The following BOC variants were observed in gnomAD, a reference collection of about 807,000 sequenced individuals.
BOC encodes the protein BOC cell adhesion associated, oncogene regulated.
In BOC, 76 loss-of-function variants were observed where a neutral mutation model predicts 112.0. The observed-to-expected ratio is 0.68, with a 90% confidence interval of 0.56 to 0.82. BOC has a LOEUF of 0.82. BOC is among the 40% of genes least tolerant of loss of function. BOC has a pLI of 0.00. For synonymous variants in BOC, 580 were observed against 599.8 expected, an observed-to-expected ratio of 0.97 and a Z score of 0.48; for missense variants, 1,309 against 1,511.7, an observed-to-expected ratio of 0.87 and a Z score of 2.22.
upstream of BOC, chr3:113,211,208 T>G (rs577246271): frequency 1.6e-4 from 25 of 152,310 alleles, no homozygotes; most frequent in African/African-American, 6.0e-4. Flanking sequence ...AGGGAAGGAT[T>G]GTACATGGAA....
At chr3:113,279,715 G>A in intron 12 of BOC, 109 bp from the exon 13 acceptor site, 1 of 1,233,910 alleles carries the variant, frequency 8.1e-7, no homozygotes, top group South Asian at 1.5e-5. Context: ...AACTTGCTTT[G>A]GGGAAGGGCT....
Position 113,270,945 on chromosome 3 carries a change from G to C in BOC, c.667+1G>C, listed in dbSNP as rs777922134. ...TCCAGCGACAGGCTACGTGTGCGCC[G>C]TAAGGCCCGGGCCCACCTGCTGGGG... On this transcript the variant is annotated splice_donor_variant, in intron 6 of 19. Transcript: ENST00000682979. LOFTEE classifies it high-confidence loss of function. The C allele has an allele frequency of 6.2e-7, 1 of 1,614,024 alleles. No homozygotes were observed. The highest frequency in any genetic ancestry group is 8.5e-7 in the Non-Finnish European group (1 of 1,180,038).
At chr3:113,227,521 C>T (rs1292110029) in intron 2 of BOC, among the ~76,000 whole-genome samples, 2 of 152,212 alleles carry the variant, frequency 1.3e-5, no homozygotes, top group Non-Finnish European at 2.9e-5. Context: ...ACCAGCAGTC[C>T]TCTTTTCAGG....
chr3:113,281,966 A>G (rs1949241649), intron 15 of BOC, among the ~76,000 whole-genome samples: 1 of 152,158 alleles, frequency 6.6e-6, no homozygotes, highest in Non-Finnish European at 1.5e-5. Context: ...CACCTGGTGC[A>G]GGGAGTGCCC....
intron 1 of BOC, 49 bp downstream of exon 1, chr3:113,212,065 T>C (rs1264684174): frequency 6.6e-6 from 1 of 151,930 alleles, no homozygotes; most frequent in Non-Finnish European, 1.5e-5. Flanking sequence ...AAGTTGTGTT[T>C]ACTGTTGGTT....
In BOC at chr3:113,286,903, TTTTA is replaced by T; in HGVS notation, c.*42_*45del. ...CCAGAAAGACTATATATTGTTTTTTTTTTAAAAAAAAAAAGAAGAAAAAAGAGAC... is the reference window on the plus strand; with the variant it reads ...CCAGAAAGACTATATATTGTTTTTTTAAAAAAAAAAGAAGAAAAAAGAGAC... On this transcript the variant is annotated 3_prime_UTR_variant, in exon 20 of 20. Transcript: ENST00000682979. 1 of 1,487,368 alleles carries T rather than the reference TTTTA, an allele frequency of 6.7e-7. No individual in the cohort carries two copies. Among genetic ancestry groups the T allele is most frequent in the Non-Finnish European group, 9.0e-7 (1 of 1,112,382 alleles). 92.1% of individuals were successfully genotyped at this position (1,487,368 alleles called of 1,614,324 possible).
intron 9 of BOC, among the ~76,000 whole-genome samples, chr3:113,275,965 G>A (rs1188746968): frequency 6.6e-6 from 1 of 152,194 alleles, no homozygotes; most frequent in African/African-American, 2.4e-5. Context: ...GGGACGGGGC[G>A]AGCAGTTTCT....
chr3:113,285,319 G>A (rs565976585), intron 18 of BOC, 53 bp from the exon 19 acceptor site: 8 of 1,572,018 alleles, frequency 5.1e-6, no homozygotes, highest in African/African-American at 2.7e-5. Context: ...GGGATGGGGC[G>A]ACAGGCCCAC....
chr3:113,218,169 G>A (rs924623368), intron 2 of BOC, among the ~76,000 whole-genome samples: 6 of 152,200 alleles, frequency 3.9e-5, no homozygotes, highest in South Asian at 2.1e-4. Flanking sequence ...CTGTGGAACC[G>A]GCTGGCCGTG....
chr3:113,233,474 C>A (rs1942989934), intron 2 of BOC, among the ~76,000 whole-genome samples: 1 of 152,068 alleles, frequency 6.6e-6, no homozygotes, highest in Non-Finnish European at 1.5e-5. Flanking sequence ...CTTTTTAACC[C>A]CCAGACCTCC....
At chr3:113,250,932 C>G (rs1945553292) in intron 4 of BOC, 99 bp downstream of exon 4, 5 of 1,447,678 alleles carry the variant, frequency 3.5e-6, no homozygotes, top group Non-Finnish European at 4.7e-6. Flanking sequence ...TTACTCTTAG[C>G]ATAAAATGGG....
chr3:113,279,578 C>T (rs1446689386), intron 12 of BOC, 123 bp downstream of exon 12: 1 of 978,338 alleles, frequency 1.0e-6, no homozygotes, highest in African/African-American at 1.7e-5. Context: ...CAGCATGCCT[C>T]CATGTTGCTG....
At chr3:113,237,411 G>A (rs1943711136) in intron 2 of BOC, among the ~76,000 whole-genome samples, 1 of 151,968 alleles carries the variant, frequency 6.6e-6, no homozygotes, top group Admixed American at 6.6e-5. Flanking sequence ...CTCTTTGCCT[G>A]CCTTCTTCTA....
At chr3:113,239,548 C>T (rs1000529771) in intron 2 of BOC, among the ~76,000 whole-genome samples, 2 of 152,216 alleles carry the variant, frequency 1.3e-5, no homozygotes, top group African/African-American at 4.8e-5. Context: ...CATTCAGGCT[C>T]CTTCCATGTC....
chr3:113,286,177 C>CTG (rs1949670510), intron 19 of BOC, among the ~76,000 whole-genome samples: 1 of 152,132 alleles, frequency 6.6e-6, no homozygotes, highest in Admixed American at 6.5e-5. Context: ...CTTAGCTTCT[C>CTG]TGTGTGTGTG....
At chr3:113,268,223 A>G (rs1947723829) in intron 4 of BOC, 76 bp from the exon 5 acceptor site, 5 of 1,581,200 alleles carry the variant, frequency 3.2e-6, no homozygotes, top group South Asian at 1.2e-5. Context: ...TGACAACACC[A>G]AGGCACAAGC....
chr3:113,229,497 A>AG (rs1942253695), intron 2 of BOC, among the ~76,000 whole-genome samples: 1 of 152,232 alleles, frequency 6.6e-6, no homozygotes, highest in Non-Finnish European at 1.5e-5. Flanking sequence ...ACTATGGCTC[A>AG]GGGACCTGTT....
chr3:113,282,468 T>C (rs1025249871), intron 15 of BOC, among the ~76,000 whole-genome samples: 1 of 152,072 alleles, frequency 6.6e-6, no homozygotes, highest in Non-Finnish European at 1.5e-5. Flanking sequence ...TTGCCACTTA[T>C]TGAAATGGCA....
At chr3:113,247,916 A>C (rs1945133637) in intron 2 of BOC, among the ~76,000 whole-genome samples, 1 of 152,262 alleles carries the variant, frequency 6.6e-6, no homozygotes, top group African/African-American at 2.4e-5. Context: ...CCAGGAAATA[A>C]CTTTTGAAAA....
Sources: allele counts gnomAD v4.1 joint callset (sites outside exome capture counted in the v4.1 genomes callset), GRCh38; gene constraint gnomAD v4.1.1; transcripts MANE v1.5; gene names NCBI Gene and HGNC (gene_info 2026-07-23, HGNC 2026-07-21).